The following WDR45 variants were observed in gnomAD, a reference collection of about 807,000 sequenced individuals.
WDR45 encodes the protein WD repeat domain phosphoinositide-interacting protein 4.
In WDR45, 2 loss-of-function variants were observed where a neutral mutation model predicts 27.3. The ratio of observed to expected loss-of-function variants is 0.07; its 90% confidence interval spans 0.03 to 0.23. The LOEUF (loss-of-function observed/expected upper bound fraction) is 0.23, where lower values mean the gene tolerates loss of function less well. Ranked by LOEUF, WDR45 falls within the 10% of genes least tolerant of loss-of-function variation. The pLI is 1.00. For synonymous variants in WDR45, 99 were observed against 119.2 expected (o/e 0.83, Z 1.11); for missense variants, 175 against 311.9 (o/e 0.56, Z 3.31).
chrX:49,093,529 C>CT (rs781832245), intron 2 of WDR45, among the ~76,000 whole-genome samples: 2,217 of 91,285 alleles, frequency 0.024, 53 homozygotes, highest in African/African-American at 0.07. Context: ...AATCAGCCTT[C>CT]TTTTTTTTTT....
At chrX:49,090,766 G>A (rs1041288656) in intron 2 of WDR45, among the ~76,000 whole-genome samples, 6 of 110,034 alleles carry the variant, frequency 5.5e-5, no homozygotes, top group African/African-American at 2.0e-4. Flanking sequence ...TTGAACTCCT[G>A]ACCTCAGGTG....
At chrX:49,078,874 C>T (rs1310605807) in intron 1 of WDR45, among the ~76,000 whole-genome samples, 1 of 112,280 alleles carries the variant, frequency 8.9e-6, no homozygotes, top group Non-Finnish European at 1.9e-5. Flanking sequence ...ACTTCTTGTA[C>T]CTCCCTGACT....
At position 49,077,708 on chromosome X, in the gene WDR45, A is replaced by T; in HGVS notation, c.170T>A (p.Leu57Gln). 1 of 1,201,023 alleles carries T rather than the reference A, an allele frequency of 8.3e-7. No individual in the cohort carries two copies. Among genetic ancestry groups the T allele is most frequent in the Non-Finnish European group, 1.1e-6 (1 of 890,079 alleles). The change falls in exon 4 of 11, where the codon CTG becomes CAG. Residue 57 changes from leucine (L) to glutamine (Q), a missense_variant. Physicochemically the swap from Leu to Gln is moderately radical, Grantham distance 113. Around this residue, in one of 3 missense-constraint regions of WDR45, gnomAD observed 102 missense variants for 165.4 expected, o/e 0.62. Coordinates refer to ENST00000376372, the MANE Select transcript of WDR45 (RefSeq NM_001029896.2). ...QVGSMGLVEMLHRSNLLALVG... is the reference protein window; with the variant it reads ...QVGSMGLVEMQHRSNLLALVG... ...CAAGGCCAGAAGGTTGGAGCGGTGC[A>T]GCATCTCCACCAAGCCCATGCTGCC...
At chrX:49,088,485 A>C (rs1758286157) in intron 2 of WDR45, among the ~76,000 whole-genome samples, 1 of 111,890 alleles carries the variant, frequency 8.9e-6, no homozygotes, top group Admixed American at 9.6e-5. Context: ...TGGGCAAGGA[A>C]AAAGTGAAGG....
At chrX:49,083,932 G>C (rs1488761632), upstream of WDR45, among the ~76,000 whole-genome samples, 4 of 83,543 alleles carry the variant, frequency 4.8e-5, no homozygotes, top group Non-Finnish European at 6.7e-5. Context: ...GGGTGACAGA[G>C]CGACACTCTG....
chrX:49,094,390 A>T (rs1386259766), intron 2 of WDR45, among the ~76,000 whole-genome samples: 4 of 109,715 alleles, frequency 3.6e-5, no homozygotes, highest in African/African-American at 1.3e-4. Flanking sequence ...AATTGCTTGA[A>T]CCCGGGAGTT....
chrX:49,090,828 G>A (rs1288327205), intron 2 of WDR45, among the ~76,000 whole-genome samples: 1 of 108,970 alleles, frequency 9.2e-6, no homozygotes, highest in Non-Finnish European at 1.9e-5. Context: ...GTGAGCCACC[G>A]TAATCCAGGC....
intron 2 of WDR45, among the ~76,000 whole-genome samples, chrX:49,096,048 C>G (rs781931900): frequency 4.9e-5 from 5 of 102,275 alleles, no homozygotes; most frequent in African/African-American, 1.8e-4. Flanking sequence ...GGATTACAGG[C>G]ATGAGCCACC....
chrX:49,090,130 C>T (rs1421821076), intron 2 of WDR45, among the ~76,000 whole-genome samples: 1 of 110,599 alleles, frequency 9.0e-6, no homozygotes, highest in Non-Finnish European at 1.9e-5. Flanking sequence ...GTGGTGTGAA[C>T]TTGGCTCACT....
chrX:49,078,616 A>C (rs1176155726), intron 1 of WDR45, among the ~76,000 whole-genome samples: 1 of 111,958 alleles, frequency 8.9e-6, no homozygotes, highest in Admixed American at 9.4e-5. Context: ...TCCTTCTTTC[A>C]GGTTTGGCAA....
chrX:49,096,058 C>T (rs1455323071), intron 2 of WDR45, among the ~76,000 whole-genome samples: 1 of 108,964 alleles, frequency 9.2e-6, no homozygotes, highest in Non-Finnish European at 1.9e-5. Flanking sequence ...CATGAGCCAC[C>T]CTGCCCGGCC....
At chrX:49,092,208 ATGC>A (rs2065109973) in intron 2 of WDR45, among the ~76,000 whole-genome samples, 1 of 105,812 alleles carries the variant, frequency 9.5e-6, no homozygotes, top group Non-Finnish European at 1.9e-5. Flanking sequence ...TATATTTTGT[ATGC>A]TATAGTAACA....
At chrX:49,092,888 C>G (rs782409542) in intron 2 of WDR45, among the ~76,000 whole-genome samples, 3 of 112,292 alleles carry the variant, frequency 2.7e-5, no homozygotes, top group Non-Finnish European at 5.6e-5. Context: ...GCAATCCTAA[C>G]TCACGCAGGT....
In WDR45 at chrX:49,077,605, G is replaced by A. The variant is rs1557084446; in HGVS notation, c.235+38C>T. ...GGTGCCTGTGGGAGGCCAGGAATCC[G>A]AGAAATCTGGGCCAAAGGGCAGGAT... On this transcript the variant is annotated intron_variant, in intron 4 of 10. Coordinates refer to ENST00000376372, the MANE Select transcript of WDR45 (RefSeq NM_001029896.2). 11 of 1,149,917 alleles carry A rather than the reference G, an allele frequency of 9.6e-6. No homozygotes were observed. The East Asian group carries it at 1.3e-4, about 13-fold the overall frequency. The allele number at this position is 1,149,917 out of a possible 1,213,427, so 94.8% of individuals were successfully genotyped here.
chrX:49,099,100 G>C (rs1336149257), intron 2 of WDR45, among the ~76,000 whole-genome samples: 2 of 111,758 alleles, frequency 1.8e-5, no homozygotes, highest in East Asian at 5.6e-4. Flanking sequence ...CAGGTGGGTG[G>C]ATTACCTGAG....
At chrX:49,077,233 A>G (rs1557084392) in intron 4 of WDR45, 5 of 196,317 alleles carry the variant, frequency 2.5e-5, no homozygotes, top group Non-Finnish European at 3.7e-5. Context: ...TATTGGGAAG[A>G]CGGCTCCAAG....
intron 2 of WDR45, among the ~76,000 whole-genome samples, chrX:49,090,373 C>T (rs2065100225): frequency 9.0e-6 from 1 of 111,256 alleles, no homozygotes; most frequent in Non-Finnish European, 1.9e-5. Flanking sequence ...CAAAATAAAG[C>T]TTCTTGAATT....
rs887699606 is a variant in WDR45 at position 49,077,703 on chromosome X, G to A, written c.175C>T (p.Arg59Cys). 3.3e-6 allele frequency: 4 copies of A among 1,200,749 alleles called. No homozygotes were observed. The highest frequency in any genetic ancestry group is 4.5e-6 in the Non-Finnish European group (4 of 890,023). The part of the protein sequence containing the change: ...GSMGLVEMLH[R>C]SNLLALVGGG... ...CCCACCAAGGCCAGAAGGTTGGAGC[G>A]GTGCAGCATCTCCACCAAGCCCATG... The change falls in exon 4 of 11, where the codon CGC becomes TGC. Residue 59 changes from arginine to cysteine, a missense_variant. Around this residue, in one of 3 missense-constraint regions of WDR45, gnomAD observed 102 missense variants for 165.4 expected, o/e 0.62. Coordinates refer to ENST00000376372, the MANE Select transcript of WDR45 (RefSeq NM_001029896.2).
At chrX:49,090,839 CT>C (rs374589139) in intron 2 of WDR45, among the ~76,000 whole-genome samples, 98 of 102,313 alleles carry the variant, frequency 9.6e-4, no homozygotes, top group Non-Finnish European at 1.2e-3. Context: ...TAATCCAGGC[CT>C]TTTTTTTTTT....
Sources: allele counts gnomAD v4.1 joint callset (sites outside exome capture counted in the v4.1 genomes callset), GRCh38; gene constraint gnomAD v4.1.1; regional missense constraint gnomAD v4.1.1; transcripts MANE v1.5; gene names NCBI Gene and HGNC (gene_info 2026-07-23, HGNC 2026-07-21).